Variants in ITPKB observed in about 807,000 individuals in gnomAD.
ITPKB encodes IP3 3-kinase B.
In ITPKB, 13 loss-of-function variants were observed where a neutral mutation model predicts 69.4. The observed-to-expected ratio is 0.19, with a 90% confidence interval of 0.12 to 0.30. The LOEUF is 0.30. Ranked by LOEUF, ITPKB falls within the 10% of genes least tolerant of loss-of-function variation. The probability of loss-of-function intolerance (pLI) is 1.00; values close to 1 mark genes in which losing one functional copy is unlikely to be tolerated. For synonymous variants in ITPKB, 584 were observed against 513.7 expected, an observed-to-expected ratio of 1.14 and a Z score of -1.85; for missense variants, 1,240 against 1,250.5, an observed-to-expected ratio of 0.99 and a Z score of 0.13.
chr1:226,658,899 G>A (rs369374836), intron 2 of ITPKB, among the ~76,000 whole-genome samples: 14 of 152,228 alleles, frequency 9.2e-5, no homozygotes, highest in South Asian at 4.2e-4. Context: ...GGGGCTACAC[G>A]AACCAGCTCA....
At chr1:226,713,199 T>C (rs1657015041) in intron 2 of ITPKB, among the ~76,000 whole-genome samples, 1 of 152,168 alleles carries the variant, frequency 6.6e-6, no homozygotes, top group South Asian at 2.1e-4. Flanking sequence ...CCTCTTCGCA[T>C]TTCTAGAATG....
At chr1:226,680,062 C>T (rs1481288820) in intron 2 of ITPKB, among the ~76,000 whole-genome samples, 2 of 152,240 alleles carry the variant, frequency 1.3e-5, no homozygotes, top group Admixed American at 6.5e-5. Flanking sequence ...AACCACACCT[C>T]GATCCTAACA....
intron 2 of ITPKB, among the ~76,000 whole-genome samples, chr1:226,713,505 A>G (rs1657024597): frequency 6.6e-6 from 1 of 152,160 alleles, no homozygotes; most frequent in Admixed American, 6.5e-5. Context: ...TAGATCCACT[A>G]CGGCCAGGCA....
Position 226,736,516 on chromosome 1 carries a change from G to A in ITPKB, c.943C>T (p.Pro315Ser). 1.2e-6 allele frequency: 2 copies of A among 1,613,980 alleles called. No homozygotes were observed. Among genetic ancestry groups the A allele is most frequent in the Non-Finnish European group, 1.7e-6 (2 of 1,180,040 alleles). Residue 315 changes from proline to serine, a missense_variant, in exon 2 of 8, where the codon CCA becomes TCA. Coordinates refer to ENST00000429204, the MANE Select transcript of ITPKB (RefSeq NM_002221.4). The part of the protein sequence containing the change: ...EVAARVTSTG[P>S]HRPQDLALTE... ...AGGGCAAGATCCTGTGGACGGTGTG[G>A]CCCAGTGGATGTAACTCTCGCTGCC...
At chr1:226,737,715 G>A (rs1254220785) in intron 1 of ITPKB, 52 bp from the exon 2 acceptor site, 13 of 484,768 alleles carry the variant, frequency 2.7e-5, no homozygotes, top group Non-Finnish European at 3.3e-5. Flanking sequence ...CGCGGGGGGA[G>A]TTGGGGGTCG....
chr1:226,704,223 A>G (rs1253159046), intron 2 of ITPKB, among the ~76,000 whole-genome samples: 2 of 152,268 alleles, frequency 1.3e-5, no homozygotes, highest in African/African-American at 4.8e-5. Flanking sequence ...TTAATAGTAC[A>G]AGCACTTCAG....
chr1:226,685,904 A>G (rs1212052817), intron 2 of ITPKB, among the ~76,000 whole-genome samples: 5 of 152,162 alleles, frequency 3.3e-5, no homozygotes, highest in African/African-American at 9.7e-5. Context: ...CAGCACGAGG[A>G]AGGTTCTGAG....
chr1:226,670,876 G>A (rs1411662877), intron 2 of ITPKB, among the ~76,000 whole-genome samples: 1 of 152,126 alleles, frequency 6.6e-6, no homozygotes. Context: ...TATGATCGTA[G>A]GGTTATGATG....
chr1:226,646,912 T>G (rs1001377556), intron 4 of ITPKB, among the ~76,000 whole-genome samples: 1 of 152,134 alleles, frequency 6.6e-6, no homozygotes, highest in East Asian at 1.9e-4. Flanking sequence ...CCGGTGCCCT[T>G]TTTCTGGTTC....
At chr1:226,725,028 C>CA (rs1223610930) in intron 2 of ITPKB, among the ~76,000 whole-genome samples, 1 of 150,482 alleles carries the variant, frequency 6.6e-6, no homozygotes, top group Non-Finnish European at 1.5e-5. Context: ...GGCTGTTGCC[C>CA]AAATCCAGTT....
chr1:226,713,439 G>C (rs924616919), intron 2 of ITPKB, among the ~76,000 whole-genome samples: 2 of 152,204 alleles, frequency 1.3e-5, no homozygotes, highest in Non-Finnish European at 2.9e-5. Flanking sequence ...TGCCCCCTCT[G>C]TCAAGGGGCG....
At chr1:226,714,201 CA>C (rs980506642) in intron 2 of ITPKB, among the ~76,000 whole-genome samples, 2 of 152,150 alleles carry the variant, frequency 1.3e-5, no homozygotes, top group African/African-American at 4.8e-5. Flanking sequence ...CTTACCTGGC[CA>C]ATTAAATGTG....
At chr1:226,694,743 G>T (rs190165516) in intron 2 of ITPKB, among the ~76,000 whole-genome samples, 94 of 152,312 alleles carry the variant, frequency 6.2e-4, no homozygotes, top group Admixed American at 1.3e-3. Flanking sequence ...GCCAGGAGCA[G>T]TACCACCCTT....
chr1:226,670,649 T>C (rs1004210501), intron 2 of ITPKB, among the ~76,000 whole-genome samples: 2 of 152,186 alleles, frequency 1.3e-5, no homozygotes, highest in African/African-American at 4.8e-5. Flanking sequence ...TAAGAAGAAA[T>C]ATACCAATTT....
intron 2 of ITPKB, among the ~76,000 whole-genome samples, chr1:226,730,537 G>A (rs999436556): frequency 6.6e-6 from 1 of 152,058 alleles, no homozygotes; most frequent in South Asian, 2.1e-4. Context: ...ACCATCCCAA[G>A]GTCTCCTCTC....
intron 2 of ITPKB, among the ~76,000 whole-genome samples, chr1:226,734,564 C>T (rs1467043642): frequency 2.0e-5 from 3 of 152,202 alleles, no homozygotes; most frequent in Non-Finnish European, 4.4e-5. Flanking sequence ...ATTCCCCATG[C>T]TCTCTGGAAA....
chr1:226,724,183 A>G (rs1657336710), intron 2 of ITPKB, among the ~76,000 whole-genome samples: 1 of 152,140 alleles, frequency 6.6e-6, no homozygotes, highest in Non-Finnish European at 1.5e-5. Context: ...GCCCACGCCA[A>G]GGTCTAGGAC....
At chr1:226,652,709 C>T (rs1477671372) in intron 2 of ITPKB, among the ~76,000 whole-genome samples, 1 of 152,244 alleles carries the variant, frequency 6.6e-6, no homozygotes, top group Admixed American at 6.5e-5. Flanking sequence ...CCACCTGCTC[C>T]TGCATCACCT....
At chr1:226,727,618 G>A (rs1219645382) in intron 2 of ITPKB, among the ~76,000 whole-genome samples, 4 of 152,132 alleles carry the variant, frequency 2.6e-5, no homozygotes, top group Non-Finnish European at 5.9e-5. Context: ...TTTAATGGAT[G>A]GGGGCAGGGA....
Sources: allele counts gnomAD v4.1 joint callset (sites outside exome capture counted in the v4.1 genomes callset), GRCh38; gene constraint gnomAD v4.1.1; transcripts MANE v1.5; gene names NCBI Gene and HGNC (gene_info 2026-07-23, HGNC 2026-07-21).